The following OSBPL10 variants were observed in gnomAD, a reference collection of about 807,000 sequenced individuals.
OSBPL10 encodes the protein oxysterol binding protein like 10.
OSBPL10 carries 49 observed loss-of-function variants against 81.7 expected under a neutral mutation model. That is an observed-to-expected ratio of 0.60 (90% CI 0.48 to 0.76). OSBPL10 has a LOEUF of 0.76. Ranked by LOEUF, OSBPL10 falls within the 30% of genes least tolerant of loss-of-function variation. The pLI is 0.00. For missense variants in OSBPL10, 923 were observed against 987.8 expected, an observed-to-expected ratio of 0.93 and a Z score of 0.88; for synonymous variants, 419 against 383.6, an observed-to-expected ratio of 1.09 and a Z score of -1.08.
chr3:31,719,170 G>A (rs531982256), intron 6 of OSBPL10, among the ~76,000 whole-genome samples: 10 of 152,242 alleles, frequency 6.6e-5, no homozygotes, highest in African/African-American at 2.4e-4. Context: ...AATTATAAAA[G>A]GATGTAAGGG....
At chr3:31,792,063 T>A (rs979771717) in intron 4 of OSBPL10, among the ~76,000 whole-genome samples, 2 of 151,710 alleles carry the variant, frequency 1.3e-5, no homozygotes, top group Admixed American at 6.6e-5. Flanking sequence ...CTGGGCAACA[T>A]AGCAAGACAA....
chr3:31,850,134 C>T (rs1355214548), intron 3 of OSBPL10, among the ~76,000 whole-genome samples: 1 of 152,114 alleles, frequency 6.6e-6, no homozygotes, highest in African/African-American at 2.4e-5. Context: ...CACTGCACTC[C>T]AGCCTGGGTG....
chr3:31,939,518 TTCACAG>T (rs1697479178), intron 1 of OSBPL10, among the ~76,000 whole-genome samples: 1 of 151,738 alleles, frequency 6.6e-6, no homozygotes, highest in Non-Finnish European at 1.5e-5. Context: ...TGACCTCTTC[TTCACAG>T]TCAAGCTTCT....
chr3:31,905,345 A>ATTTTTTTT lies in OSBPL10; in HGVS notation c.282-25523_282-25516dup, dbSNP rs386396290. 9.2e-4 allele frequency among the ~76,000 whole-genome samples: 87 copies of ATTTTTTTT among 94,810 alleles called. 7 individuals are homozygous for ATTTTTTTT. The highest frequency in any genetic ancestry group is 3.3e-3 in the African/African-American group (70 of 21,282). The allele number at this position is 94,810 out of a possible 152,430, so 62.2% of individuals were successfully genotyped here. ...GAGCTCTATGTCAAGGAACCTGGTG[A>ATTTTTTTT]TTTTTTTTTTTTTTTTTTTTTTTAG... On this transcript the variant is annotated intron_variant, in intron 1 of 11. Coordinates refer to ENST00000396556, the MANE Select transcript of OSBPL10 (RefSeq NM_017784.5).
chr3:31,901,222 G>A (rs1696229868), intron 1 of OSBPL10, among the ~76,000 whole-genome samples: 1 of 152,108 alleles, frequency 6.6e-6, no homozygotes, highest in South Asian at 2.1e-4. Flanking sequence ...TCGACATAAA[G>A]GTTTTTCAAA....
intron 4 of OSBPL10, among the ~76,000 whole-genome samples, chr3:31,820,335 G>A (rs1335169711): frequency 1.3e-5 from 2 of 152,164 alleles, no homozygotes; most frequent in Admixed American, 6.5e-5. Flanking sequence ...GGTGGCTCAC[G>A]CCTATAATCC....
chr3:31,739,951 T>C (rs1386051950), intron 5 of OSBPL10, among the ~76,000 whole-genome samples: 1 of 152,212 alleles, frequency 6.6e-6, no homozygotes, highest in Non-Finnish European at 1.5e-5. Context: ...TCTTAACTAC[T>C]GAAACTTTTG....
At chr3:31,894,004 TATA>T (rs1413704837) in intron 1 of OSBPL10, among the ~76,000 whole-genome samples, 1 of 152,254 alleles carries the variant, frequency 6.6e-6, no homozygotes, top group Non-Finnish European at 1.5e-5. Flanking sequence ...GAGTGAATTT[TATA>T]ATGTTTAAAT....
intron 4 of OSBPL10, among the ~76,000 whole-genome samples, chr3:31,752,081 T>C (rs1320958729): frequency 6.6e-6 from 1 of 152,202 alleles, no homozygotes; most frequent in Non-Finnish European, 1.5e-5. Context: ...ACCAAAAATA[T>C]CAACAGCAAA....
chr3:31,891,234 T>G (rs1382165878), intron 1 of OSBPL10, among the ~76,000 whole-genome samples: 1 of 152,180 alleles, frequency 6.6e-6, no homozygotes, highest in Admixed American at 6.5e-5. Flanking sequence ...TTTCAGACTT[T>G]GCCCACATCA....
intron 1 of OSBPL10, among the ~76,000 whole-genome samples, chr3:31,936,602 A>G (rs35280753): frequency 0.2 from 30,648 of 152,148 alleles, 3,815 homozygotes; most frequent in Non-Finnish European, 0.28. Flanking sequence ...ATCCATTTCC[A>G]TGACACACAC....
At chr3:31,788,877 G>A (rs1037630403) in intron 4 of OSBPL10, among the ~76,000 whole-genome samples, 1 of 151,710 alleles carries the variant, frequency 6.6e-6, no homozygotes, top group Admixed American at 6.6e-5. Context: ...GCATGAGGAA[G>A]AAAAAATAAA....
intron 2 of OSBPL10, among the ~76,000 whole-genome samples, chr3:32,046,162 G>A (rs1699619843): frequency 6.6e-6 from 1 of 152,230 alleles, no homozygotes; most frequent in African/African-American, 2.4e-5. Flanking sequence ...GGAGGATCAG[G>A]AGTTCAAGGT....
chr3:31,872,761 A>G (rs1371751759), intron 3 of OSBPL10, among the ~76,000 whole-genome samples: 2 of 151,928 alleles, frequency 1.3e-5, no homozygotes, highest in Non-Finnish European at 2.9e-5. Flanking sequence ...AGCTGAGACT[A>G]CAGGTGTGCA....
intron 3 of OSBPL10, among the ~76,000 whole-genome samples, chr3:31,850,658 C>A (rs1433621163): frequency 1.3e-5 from 2 of 152,170 alleles, no homozygotes; most frequent in Non-Finnish European, 2.9e-5. Context: ...ACTCTCACAA[C>A]CCCCACTCTG....
At chr3:31,775,481 C>T (rs967705212) in intron 4 of OSBPL10, among the ~76,000 whole-genome samples, 6 of 142,038 alleles carry the variant, frequency 4.2e-5, no homozygotes, top group African/African-American at 1.5e-4. Flanking sequence ...TGCCTTGAAA[C>T]AGATCATGAA....
chr3:31,675,053 T>G (rs2125525416), intron 8 of OSBPL10, among the ~76,000 whole-genome samples: 1 of 152,298 alleles, frequency 6.6e-6, no homozygotes, highest in Admixed American at 6.5e-5. Context: ...CCAAGGAGCA[T>G]CTCTACTTGG....
chr3:31,874,938 T>C (rs551217302), intron 3 of OSBPL10, among the ~76,000 whole-genome samples: 4 of 152,082 alleles, frequency 2.6e-5, no homozygotes, highest in Admixed American at 2.6e-4. Flanking sequence ...ACAACAACAA[T>C]AAGGAAACAA....
intron 4 of OSBPL10, among the ~76,000 whole-genome samples, chr3:31,807,885 A>G (rs1268560718): frequency 1.3e-5 from 2 of 152,228 alleles, no homozygotes; most frequent in Non-Finnish European, 2.9e-5. Flanking sequence ...CACATAAGAA[A>G]TAAGAAATTA....
Sources: gnomAD v4.1 joint callset for allele counts (sites outside exome capture counted in the v4.1 genomes callset) on GRCh38, gnomAD v4.1.1 for gene constraint, MANE v1.5 for transcripts, NCBI Gene and HGNC (gene_info 2026-07-23, HGNC 2026-07-21) for gene names.